TBXAS1: variants seen among roughly 807,000 people sequenced by gnomAD.
TBXAS1 encodes the protein thromboxane A synthase 1.
A neutral mutation model predicts 60.7 loss-of-function variants in TBXAS1; 48 were observed. That is an observed-to-expected ratio of 0.79 (90% CI 0.63 to 1.01). The LOEUF (loss-of-function observed/expected upper bound fraction) is 1.01. Among genes scored for constraint, TBXAS1 ranks in the 50% least tolerant of loss-of-function variants. TBXAS1 has a pLI of 0.00. For synonymous variants in TBXAS1, 287 were observed against 269.7 expected (o/e 1.06, Z -0.63); for missense variants, 685 against 686.3 (o/e 1.00, Z 0.02).
chr7:139,965,813 C>T lies in TBXAS1; in HGVS notation c.1134+3580C>T, dbSNP rs369757439. On this transcript the variant is annotated intron_variant, in intron 9 of 12. Transcript: ENST00000448866. ...AATAATGTTGCTTTGCATAGCCTTG[C>T]ACATGGCACCCACTCAATGAATATT... Among the ~76,000 whole-genome samples the T allele has an allele frequency of 3.9e-5, 6 of 152,222 alleles. No individual in the cohort carries two copies. The East Asian group carries it at 9.6e-4, about 24-fold the overall frequency.
At chr7:139,843,594 C>T (rs781062281) in intron 1 of TBXAS1, among the ~76,000 whole-genome samples, 2 of 152,130 alleles carry the variant, frequency 1.3e-5, no homozygotes, top group African/African-American at 2.4e-5. Flanking sequence ...CCGCCCACCT[C>T]GGCCTCACAA....
intron 3 of TBXAS1, among the ~76,000 whole-genome samples, chr7:139,786,455 A>C (rs1462255338): frequency 6.6e-6 from 1 of 152,170 alleles, no homozygotes; most frequent in Non-Finnish European, 1.5e-5. Context: ...ACCTGTTTTT[A>C]TTTTAGTGAA....
At chr7:139,818,860 A>G (rs1569494166) in intron 4 of TBXAS1, among the ~76,000 whole-genome samples, 1 of 151,892 alleles carries the variant, frequency 6.6e-6, no homozygotes, top group African/African-American at 2.4e-5. Context: ...TGTAGAGCAG[A>G]CCCCTGGTAG....
In TBXAS1 at chr7:139,851,956, G is replaced by T. The variant is rs1039441084; in HGVS notation, c.90-20279G>T. On this transcript the variant is annotated intron_variant, in intron 1 of 12. Coordinates refer to ENST00000448866, the MANE Select transcript of TBXAS1 (RefSeq NM_001061.7). ...CCAAGATTAGATTATTGGAGACTGG[G>T]GTTTCCATCTTGGGCTCGCTCTCTC... Among the ~76,000 whole-genome samples the T allele has an allele frequency of 3.9e-5, 6 of 152,278 alleles. No individual in the cohort carries two copies. In the South Asian group the frequency reaches 1.2e-3, roughly 32 times the overall value.
At chr7:139,904,229 T>C (rs1804796423) in intron 3 of TBXAS1, among the ~76,000 whole-genome samples, 1 of 152,086 alleles carries the variant, frequency 6.6e-6, no homozygotes. Context: ...ATGTTTTTGT[T>C]TGCTTTGTCG....
chr7:139,811,802 G>A (rs1201569084), intron 4 of TBXAS1, among the ~76,000 whole-genome samples: 1 of 152,222 alleles, frequency 6.6e-6, no homozygotes, highest in Non-Finnish European at 1.5e-5. Flanking sequence ...TGTTGTGAAT[G>A]AGAAATGCCC....
At chr7:139,934,826 T>C (rs1807615420) in intron 4 of TBXAS1, among the ~76,000 whole-genome samples, 1 of 152,138 alleles carries the variant, frequency 6.6e-6, no homozygotes, top group Non-Finnish European at 1.5e-5. Flanking sequence ...ATTACCTCTT[T>C]TTTTGAGACG....
intron 3 of TBXAS1, among the ~76,000 whole-genome samples, chr7:139,906,555 T>G (rs1260187462): frequency 6.6e-6 from 1 of 152,236 alleles, no homozygotes; most frequent in African/African-American, 2.4e-5. Context: ...TCTCGTAGAC[T>G]GATTCCTCCC....
At chr7:139,934,519 CA>C (rs1807589402) in intron 4 of TBXAS1, among the ~76,000 whole-genome samples, 1 of 152,120 alleles carries the variant, frequency 6.6e-6, no homozygotes, top group Non-Finnish European at 1.5e-5. Context: ...ATGGTATAGA[CA>C]ACTTCTTGAA....
chr7:139,803,091 G>A (rs926240289), intron 4 of TBXAS1, among the ~76,000 whole-genome samples: 3 of 152,230 alleles, frequency 2.0e-5, no homozygotes, highest in African/African-American at 7.2e-5. Flanking sequence ...AGTGACTTTG[G>A]AACTGGGTAA....
At chr7:139,951,593 T>TAAAAAAAAAAAAAAAAAAAA (rs66551791) in intron 5 of TBXAS1, among the ~76,000 whole-genome samples, 1 of 66,312 alleles carries the variant, frequency 1.5e-5, no homozygotes, top group African/African-American at 6.2e-5. Flanking sequence ...CCGTCTCTAC[T>TAAAAAAAAAAAAAAAAAAAA]AAAAAAAAAA....
At chr7:139,913,847 T>C in intron 4 of TBXAS1, 1 of 152,622 alleles carries the variant, frequency 6.6e-6, no homozygotes, top group Non-Finnish European at 1.5e-5. Context: ...ATCCATTGTG[T>C]GTGCTCCACC....
In TBXAS1 at chr7:139,965,907, TA is replaced by T. The variant is rs201623050; in HGVS notation, c.1134+3676del. Among the ~76,000 whole-genome samples, 1,002 of 151,606 alleles carry T rather than the reference TA, an allele frequency of 6.6e-3. 8 individuals carry two copies. The highest frequency in any genetic ancestry group is 0.023 in the African/African-American group (952 of 41,306). ...TTTTTAATTTTTTTTTTTTTTACTA[TA>T]ATCAGAGCTCTGTTAATATGGGCCA... is the stretch of plus-strand genomic sequence containing the variant. On this transcript the variant is annotated intron_variant, in intron 9 of 12. Transcript: ENST00000448866.
chr7:139,971,233 A>G (rs1283947590), intron 9 of TBXAS1, among the ~76,000 whole-genome samples: 2 of 152,048 alleles, frequency 1.3e-5, no homozygotes, highest in Non-Finnish European at 2.9e-5. Context: ...CATCCTGACC[A>G]CTAATATCAG....
intron 12 of TBXAS1, among the ~76,000 whole-genome samples, chr7:140,019,704 A>C (rs747139431): frequency 1.3e-5 from 2 of 152,288 alleles, no homozygotes; most frequent in African/African-American, 4.8e-5. Context: ...TCTGCCTTTT[A>C]AGCTGGACAT....
In TBXAS1 at chr7:139,962,091, T is replaced by C. The variant is rs6140; in HGVS notation, c.992T>C (p.Ile331Thr). The C allele has an allele frequency of 3.3e-5, 54 of 1,614,178 alleles. No individual in the cohort carries two copies. In the Admixed American group the frequency reaches 4.0e-4, roughly 12 times the overall value. The change falls in exon 9 of 13, where the codon ATT becomes ACT. Residue 331 changes from isoleucine to threonine, a missense_variant. Physicochemically the swap from Ile to Thr is moderately conservative, Grantham distance 89. Transcript: ENST00000448866. The stretch of plus-strand genomic sequence containing the variant: ...GCCAGGCCTTTGACTGTGGATGAGA[T>C]TGTGGGCCAGGCCTTCATCTTCCTC... ...PMARPLTVDE[I>T]VGQAFIFLIA...
rs868654878 is a variant in TBXAS1, at chr7:139,865,875, G to A, written c.90-6360G>A. Among the ~76,000 whole-genome samples, 146 of 122,578 alleles carry A rather than the reference G, an allele frequency of 1.2e-3. 3 individuals carry two copies. The highest frequency in any genetic ancestry group is 2.3e-3 in the African/African-American group (68 of 29,604). The allele number at this position is 122,578 out of a possible 152,430, so 80.4% of individuals were successfully genotyped here. ...AGGAGGGAGGGAGGAAGGAAGGAGG[G>A]AGGGAGGGAAGGAGGAAGGAGGGAG... is the stretch of plus-strand genomic sequence containing the variant. On this transcript the variant is annotated intron_variant, in intron 1 of 12. Coordinates refer to ENST00000448866, the MANE Select transcript of TBXAS1 (RefSeq NM_001061.7).
chr7:139,904,829 A>G (rs2117011900), intron 3 of TBXAS1, among the ~76,000 whole-genome samples: 1 of 152,068 alleles, frequency 6.6e-6, no homozygotes, highest in East Asian at 1.9e-4. Flanking sequence ...TTTTTTTATC[A>G]GTTCCAGGAC....
intron 9 of TBXAS1, among the ~76,000 whole-genome samples, chr7:140,000,025 G>A (rs902803622): frequency 5.9e-5 from 9 of 152,030 alleles, no homozygotes; most frequent in Admixed American, 2.0e-4. Flanking sequence ...CGTATGTGTA[G>A]GTGTGTGACT....
Sources: gnomAD v4.1 joint callset for allele counts (sites outside exome capture counted in the v4.1 genomes callset) on GRCh38, gnomAD v4.1.1 for gene constraint, MANE v1.5 for transcripts, NCBI Gene and HGNC (gene_info 2026-07-23, HGNC 2026-07-21) for gene names.